Variants in AGRN observed in about 807,000 individuals in gnomAD.
AGRN encodes agrin proteoglycan.
A neutral mutation model predicts 211.0 loss-of-function variants in AGRN; 106 were observed. That is an observed-to-expected ratio of 0.50 (90% confidence interval 0.43 to 0.59). AGRN has a LOEUF of 0.59. Among genes scored for constraint, AGRN ranks in the 20% least tolerant of loss-of-function variants. The pLI is 0.00. For synonymous variants in AGRN, 1,525 were observed against 1,332.5 expected, an observed-to-expected ratio of 1.14 and a Z score of -3.15; for missense variants, 3,040 against 2,982.6, an observed-to-expected ratio of 1.02 and a Z score of -0.45.
chr1:1,046,172 G>C lies in AGRN; in HGVS notation c.2818G>C (p.Asp940His). The stretch of plus-strand genomic sequence containing the variant: ...TTCTCTGCCCCAGGTCTGTGGGTCA[G>C]ATGGAGTCACATACGGCAACGAGTG... Reference protein sequence around the residue: ...EANATKVCGSDGVTYGNECQL... With the variant: ...EANATKVCGSHGVTYGNECQL... The change falls in exon 17 of 36, where the codon GAT becomes CAT. Residue 940 changes from aspartate (D) to histidine (H), a missense_variant. Asp to His is a moderately conservative substitution (Grantham distance 81). This residue lies in a region of AGRN where 1,498 missense variants were observed against 1,457.8 expected (regional missense o/e 1.03). Transcript: ENST00000379370. 1.2e-6 allele frequency: 2 copies of C among 1,613,900 alleles called. No homozygotes were observed. The highest frequency in any genetic ancestry group is 1.1e-5 in the South Asian group (1 of 91,092).
Position 1,049,225 on chromosome 1 carries a change from C to T in AGRN, c.4299-11C>T, listed in dbSNP as rs1434434568. ...CGGGCGATGGTCCTGAGCACCTGCTCCTGCCCTCAGGTTTGACACAGGTTC... is the reference window on the plus strand; with the variant it reads ...CGGGCGATGGTCCTGAGCACCTGCTTCTGCCCTCAGGTTTGACACAGGTTC... On this transcript the variant is annotated splice_polypyrimidine_tract_variant and intron_variant, in intron 24 of 35. Coordinates refer to ENST00000379370, the MANE Select transcript of AGRN (RefSeq NM_198576.4). The T allele has an allele frequency of 5.1e-6, 8 of 1,568,732 alleles. No individual in the cohort carries two copies. The highest frequency in any genetic ancestry group is 5.2e-6 in the Non-Finnish European group (6 of 1,164,064).
chr1:1,043,585 G>A lies in AGRN; in HGVS notation c.1651G>A (p.Gly551Arg), dbSNP rs1343254867. The part of the protein sequence containing the change: ...RFGALCEAET[G>R]RCVCPSECVA... ...TGGAGCCCTGTGCGAGGCCGAGACC[G>A]GGCGCTGCGTGTGCCCCTCTGAATG... Residue 551 changes from glycine (G) to arginine (R), a missense_variant, in exon 9 of 36, where the codon GGG becomes AGG. Coordinates refer to ENST00000379370, the MANE Select transcript of AGRN (RefSeq NM_198576.4). 33 of 1,604,996 alleles carry A rather than the reference G, an allele frequency of 2.1e-5. No individual in the cohort carries two copies. The highest frequency in any genetic ancestry group is 3.3e-5 in the Admixed American group (2 of 59,982).
chr1:1,053,479 C>T (rs1402106779), intron 33 of AGRN: 18 of 1,499,056 alleles, frequency 1.2e-5, no homozygotes, highest in Admixed American at 6.1e-5. Context: ...CTCTGGATTC[C>T]GGGGCCCTTC....
chr1:1,046,037 A>C lies in AGRN; in HGVS notation c.2754A>C (p.Ser918=), dbSNP rs776909236. ...FGARCVEESG[S]AHCVCPMLTC... ...CGCGGTGCGTGGAGGAGTCTGGCTC[A>C]GCCCACTGTGTCTGCCCGATGCTCA... Residue 918 remains serine (S), a synonymous_variant, in exon 16 of 36, where the codon TCA becomes TCC. Coordinates refer to ENST00000379370, the MANE Select transcript of AGRN (RefSeq NM_198576.4). The C allele has an allele frequency of 9.9e-6, 16 of 1,614,062 alleles. No individual in the cohort carries two copies. The highest frequency in any genetic ancestry group is 1.4e-5 in the Non-Finnish European group (16 of 1,180,020).
intron 33 of AGRN, chr1:1,053,436 G>C (rs74912074): frequency 7.0e-7 from 1 of 1,425,838 alleles, no homozygotes; most frequent in East Asian, 3.3e-5. Context: ...CTGCTCACCC[G>C]CCTCCCTCTC....
intron 2 of AGRN, 133 bp downstream of exon 2, chr1:1,022,595 C>A (rs375552979): frequency 5.0e-5 from 1 of 19,952 alleles, no homozygotes; most frequent in Non-Finnish European, 1.6e-4. Flanking sequence ...TCTTGTGGTC[C>A]AACCTCATTC....
chr1:1,041,948 C>T lies in AGRN; in HGVS notation c.1178-8C>T, dbSNP rs1356649766. 16 of 1,611,250 alleles carry T rather than the reference C, an allele frequency of 9.9e-6. No homozygotes were observed. The highest frequency in any genetic ancestry group is 7.7e-5 in the South Asian group (7 of 91,042). ...CCTCTCCGTGACTCCCTCACCCCTG[C>T]GTCCTAGACCAGTGCCCGGAGCCCT... On this transcript the variant is annotated splice_region_variant and splice_polypyrimidine_tract_variant and intron_variant, in intron 6 of 35. Transcript: ENST00000379370.
intron 3 of AGRN, among the ~76,000 whole-genome samples, chr1:1,039,417 G>GGT (rs1042636448): frequency 6.6e-6 from 1 of 151,444 alleles, no homozygotes; most frequent in South Asian, 2.1e-4. Flanking sequence ...GAGATGGGGG[G>GGT]GGTTCCTCCT....
rs376022027 is a variant in AGRN at position 1,022,480 on chromosome 1, C to G, written c.463+18C>G. ...TGTGGAAGGTGCGTGGTGGGGGGCT[C>G]GTGTGGGGGCCTGTGGGGGTCAGGG... On this transcript the variant is annotated intron_variant, in intron 2 of 35. Transcript: ENST00000379370. 6.3e-7 allele frequency: 1 copy of G among 1,589,450 alleles called. No individual in the cohort carries two copies. The highest frequency in any genetic ancestry group is 1.7e-5 in the Admixed American group (1 of 58,960).
Position 1,048,414 on chromosome 1 carries a change from C to A in AGRN, c.4105+49C>A. On this transcript the variant is annotated intron_variant, in intron 23 of 35. Coordinates refer to ENST00000379370, the MANE Select transcript of AGRN (RefSeq NM_198576.4). The surrounding 1 kb of genome is among the most constrained non-coding windows in gnomAD (Gnocchi z 5.9). ...GGGCGGGGAGGCAGCAGGGTGGGGG[C>A]AAGGATTGGGGGTGGGGCTAAGCCA... 19 of 855,852 alleles carry A rather than the reference C, an allele frequency of 2.2e-5. No homozygotes were observed. The highest frequency in any genetic ancestry group is 2.6e-5 in the Non-Finnish European group (15 of 567,714). 53.0% of individuals were successfully genotyped at this position (855,852 alleles called of 1,614,324 possible).
intron 3 of AGRN, among the ~76,000 whole-genome samples, chr1:1,036,142 C>G (rs1644800308): frequency 6.6e-6 from 1 of 152,148 alleles, no homozygotes; most frequent in Admixed American, 6.5e-5. Context: ...TGAGGCCTTC[C>G]TGACCAGCAC....
chr1:1,037,284 C>T (rs953729226), intron 3 of AGRN, among the ~76,000 whole-genome samples: 2 of 152,214 alleles, frequency 1.3e-5, no homozygotes, highest in African/African-American at 4.8e-5. Flanking sequence ...AGCCTCGTTT[C>T]CTGACACCCA....
At chr1:1,036,452 C>G (rs1403778625) in intron 3 of AGRN, among the ~76,000 whole-genome samples, 1 of 152,114 alleles carries the variant, frequency 6.6e-6, no homozygotes, top group Admixed American at 6.5e-5. Flanking sequence ...CTTCCTCGAC[C>G]GCCTGCCAGG....
In AGRN at chr1:1,044,043, C is replaced by G. The variant is rs1044648307; in HGVS notation, c.1999+20C>G. ...AGCAGGGTAGGCCGGGGGACGCTGGCGAAAACTGCTGGGCTCTGGCTTTGG... is the reference window on the plus strand; with the variant it reads ...AGCAGGGTAGGCCGGGGGACGCTGGGGAAAACTGCTGGGCTCTGGCTTTGG... On this transcript the variant is annotated intron_variant, in intron 10 of 35. Transcript: ENST00000379370. The G allele has an allele frequency of 1.4e-5, 23 of 1,611,568 alleles. No homozygotes were observed. The highest frequency in any genetic ancestry group is 1.9e-5 in the Non-Finnish European group (23 of 1,179,764).
At chr1:1,022,890 T>C (rs545229669) in intron 2 of AGRN, among the ~76,000 whole-genome samples, 1 of 152,254 alleles carries the variant, frequency 6.6e-6, no homozygotes, top group South Asian at 2.1e-4. Context: ...AGGGCGAGGC[T>C]GTGCGGCGAG....
At chr1:1,039,729 C>G (rs1199465873) in intron 3 of AGRN, among the ~76,000 whole-genome samples, 1 of 152,114 alleles carries the variant, frequency 6.6e-6, no homozygotes, top group Non-Finnish European at 1.5e-5. Context: ...AGCAACAGTT[C>G]CTGCACCTCT....
Position 1,051,469 on chromosome 1 carries a change from G to T in AGRN, c.5387G>T (p.Arg1796Leu), listed in dbSNP as rs774881136. 6.4e-7 allele frequency: 1 copy of T among 1,562,932 alleles called. No individual in the cohort carries two copies. The highest frequency in any genetic ancestry group is 8.6e-7 in the Non-Finnish European group (1 of 1,158,858). ...GCCCTGCAGGTCTCCCTCGGAGGCC[G>T]CCAGCTGCTGACCCCGGAGCACGTG... ...GAIQLVSLGGRQLLTPEHVLR... is the reference protein window; with the variant it reads ...GAIQLVSLGGLQLLTPEHVLR... Residue 1796 changes from arginine to leucine, a missense_variant, in exon 32 of 36, where the codon CGC becomes CTC. By Grantham distance (102) the Arg-to-Leu change is moderately radical (BLOSUM62 -2). Transcript: ENST00000379370.
chr1:1,049,295 A>C lies in AGRN; in HGVS notation c.4358A>C (p.Gln1453Pro). The C allele has an allele frequency of 6.3e-7, 1 of 1,596,164 alleles. No homozygotes were observed. ...LTSAVPVEPG[Q>P]WHRLELSRHW... Reference sequence around the variant, plus strand: ...AGTGCCGTGCCGGTAGAGCCGGGCCAGTGGCACCGCCTGGAGCTGTCCCGG... The same window carrying C: ...AGTGCCGTGCCGGTAGAGCCGGGCCCGTGGCACCGCCTGGAGCTGTCCCGG... Residue 1453 changes from glutamine (Q) to proline (P), a missense_variant, in exon 25 of 36, where the codon CAG becomes CCG. Gln to Pro is a moderately conservative substitution (Grantham distance 76). This residue lies in a region of AGRN where 1,537 missense variants were observed against 1,505.0 expected (regional missense o/e 1.02). Coordinates refer to ENST00000379370, the MANE Select transcript of AGRN (RefSeq NM_198576.4).
chr1:1,053,501 C>G, intron 33 of AGRN: 1 of 1,520,818 alleles, frequency 6.6e-7, no homozygotes, highest in Non-Finnish European at 8.9e-7. Context: ...CAGGTGAGCA[C>G]GTGGCAGCAG....
Sources: gnomAD v4.1 joint callset for allele counts (sites outside exome capture counted in the v4.1 genomes callset) on GRCh38, gnomAD v4.1.1 for gene constraint, gnomAD v4.1.1 regional missense constraint, Gnocchi (gnomAD v3.1) non-coding constraint, MANE v1.5 for transcripts, NCBI Gene and HGNC (gene_info 2026-07-23, HGNC 2026-07-21) for gene names.